The following ZNF891 variants were observed in gnomAD, a reference collection of about 807,000 sequenced individuals.
ZNF891 encodes hCG1646157.
For missense variants in ZNF891, 589 were observed against 632.7 expected (o/e 0.93, Z 0.74); for synonymous variants, 199 against 209.0 (o/e 0.95, Z 0.41).
rs1955532502 is a variant in ZNF891, at chr12:133,104,916, CAATAGTCAGGTTTTT to C, written c.*15353_*15367del. Among the ~76,000 whole-genome samples the C allele has an allele frequency of 6.6e-6, 1 of 152,036 alleles. No homozygotes were observed. The highest frequency in any genetic ancestry group is 6.5e-5 in the Admixed American group (1 of 15,268). On this transcript the variant is annotated 3_prime_UTR_variant, in exon 2 of 2. Coordinates refer to ENST00000537226, the MANE Select transcript of ZNF891 (RefSeq NM_001277291.2). ...TCACCCAGGTAATCAGCATAATGCCCAATAGTCAGGTTTTTAATCCTTACCCTCCTCCCACATTCC... is the reference window on the plus strand; with the variant it reads ...TCACCCAGGTAATCAGCATAATGCCCAATCCTTACCCTCCTCCCACATTCC...
rs2137611611 is a variant in ZNF891, at chr12:133,114,028, T to G, written c.*6256A>C. 1 of 152,260 alleles carries G rather than the reference T, an allele frequency of 6.6e-6. No individual in the cohort carries two copies. The highest frequency in any genetic ancestry group is 2.4e-5 in the African/African-American group (1 of 41,572). The allele number at this position is 152,260 out of a possible 1,614,324, so 9.4% of individuals were successfully genotyped here. On this transcript the variant is annotated 3_prime_UTR_variant, in exon 2 of 2. Coordinates refer to ENST00000537226, the MANE Select transcript of ZNF891 (RefSeq NM_001277291.2). ...CCACCACACCCACCCAGTAAGTTTG[T>G]ACTAATTTACGCTTCCATTGGTAGT...
Position 133,117,491 on chromosome 12 carries a change from T to G in ZNF891, c.*2793A>C, listed in dbSNP as rs1452487716. ...AAGTAATTTAAACCAACCCACCCAT[T>G]TTTCTACTCCTGAAAGAATGGTGGG... is the stretch of plus-strand genomic sequence containing the variant. On this transcript the variant is annotated 3_prime_UTR_variant, in exon 2 of 2. Coordinates refer to ENST00000537226, the MANE Select transcript of ZNF891 (RefSeq NM_001277291.2). 2 of 152,186 alleles carry G rather than the reference T, an allele frequency of 1.3e-5. No individual in the cohort carries two copies. Among genetic ancestry groups the G allele is most frequent in the Non-Finnish European group, 2.9e-5 (2 of 68,034 alleles). The allele number at this position is 152,186 out of a possible 1,614,324, so 9.4% of individuals were successfully genotyped here.
At position 133,120,883 on chromosome 12, in the gene ZNF891, TC is replaced by T; in HGVS notation, c.1035del (p.Lys346AsnfsTer18). 1 of 1,541,042 alleles carries T rather than the reference TC, an allele frequency of 6.5e-7. No homozygotes were observed. Among genetic ancestry groups the T allele is most frequent in the Non-Finnish European group, 8.7e-7 (1 of 1,147,240 alleles). On this transcript the variant is annotated frameshift_variant, in exon 2 of 2. Transcript: ENST00000537226. LOFTEE classifies it low-confidence loss of function (END_TRUNC). Reference sequence around the variant, plus strand: ...CCACATTCTTTACATTCATATTGTTTCTCACCCATGTGACTTTTCTTGTATA... The same window carrying T: ...CCACATTCTTTACATTCATATTGTTTTCACCCATGTGACTTTTCTTGTATA... The part of the protein sequence containing the change: ...LTLYKKSHMG[E>X]KQYECKECGK...
Position 133,116,547 on chromosome 12 carries a change from ATCT to A in ZNF891, c.*3734_*3736del, listed in dbSNP as rs1238903607. 6 of 152,132 alleles carry A rather than the reference ATCT, an allele frequency of 3.9e-5. No individual in the cohort carries two copies. Among genetic ancestry groups the A allele is most frequent in the African/African-American group, 1.4e-4 (6 of 41,414 alleles). 9.4% of individuals were successfully genotyped at this position (152,132 alleles called of 1,614,324 possible). On this transcript the variant is annotated 3_prime_UTR_variant, in exon 2 of 2. Coordinates refer to ENST00000537226, the MANE Select transcript of ZNF891 (RefSeq NM_001277291.2). ...ATCCCAGTAGACCTAAATACCCATC[ATCT>A]TCTTACAGACTGCTGGGATTTAACC...
chr12:133,120,590 C>T lies in ZNF891; in HGVS notation c.1329G>A (p.Thr443=), dbSNP rs1188470734. 18 of 1,559,842 alleles carry T rather than the reference C, an allele frequency of 1.2e-5. No homozygotes were observed. The highest frequency in any genetic ancestry group is 2.4e-5 in the East Asian group (1 of 41,684). The change falls in exon 2 of 2, where the codon ACG becomes ACA. Residue 443 remains threonine, a synonymous_variant. Coordinates refer to ENST00000537226, the MANE Select transcript of ZNF891 (RefSeq NM_001277291.2). ...ECSECGKAFN[T]SSHLKVHKKI... is the part of the protein sequence containing the mutation. ...TCTTATGAACTTTAAGGTGAGAGCTCGTGTTGAAGGCTTTTCCACACTCAC... is the reference window on the plus strand; with the variant it reads ...TCTTATGAACTTTAAGGTGAGAGCTTGTGTTGAAGGCTTTTCCACACTCAC...
Position 133,121,657 on chromosome 12 carries a change from T to A in ZNF891, c.262A>T (p.Arg88Trp), listed in dbSNP as rs1955762272. ...TCCAATGGGGAGATCACAGTAAGCC[T>A]GTACAACTGATATTCCACGGAGGTG... ...NLTSVEYQLY[R>W]LTVISPLDQE... The change falls in exon 2 of 2, where the codon AGG becomes TGG. Residue 88 changes from arginine (R) to tryptophan (W), a missense_variant. Coordinates refer to ENST00000537226, the MANE Select transcript of ZNF891 (RefSeq NM_001277291.2). The A allele has an allele frequency of 1.3e-6, 2 of 1,536,472 alleles. No individual in the cohort carries two copies. Among genetic ancestry groups the A allele is most frequent in the Non-Finnish European group, 1.7e-6 (2 of 1,146,930 alleles).
chr12:133,105,260 T>A lies in ZNF891; in HGVS notation c.*15024A>T, dbSNP rs1346240601. ...CAACCTATCCTTCACAAATATTTCC[T>A]GATAGCTCTATTTTCCCTGCTCTTT... is the stretch of plus-strand genomic sequence containing the variant. On this transcript the variant is annotated 3_prime_UTR_variant, in exon 2 of 2. Transcript: ENST00000537226. 6.6e-6 allele frequency among the ~76,000 whole-genome samples: 1 copy of A among 152,216 alleles called. No homozygotes were observed. Among genetic ancestry groups the A allele is most frequent in the East Asian group, 1.9e-4 (1 of 5,192 alleles).
At chr12:133,127,564 G>A (rs1434050457) in intron 1 of ZNF891, among the ~76,000 whole-genome samples, 2 of 152,214 alleles carry the variant, frequency 1.3e-5, no homozygotes, top group African/African-American at 4.8e-5. Context: ...TGAGGAAAAA[G>A]TAATTTCTAA....
rs1415323319 is a variant in ZNF891, at chr12:133,118,257, T to G, written c.*2027A>C. On this transcript the variant is annotated 3_prime_UTR_variant, in exon 2 of 2. Coordinates refer to ENST00000537226, the MANE Select transcript of ZNF891 (RefSeq NM_001277291.2). ...ACCTGGCCAACTTCACCTTCCTTTT[T>G]GAAACTTGTTTGTCTTGGTTCAGTG... The G allele has an allele frequency of 6.6e-6, 1 of 152,380 alleles. No individual in the cohort carries two copies. Among genetic ancestry groups the G allele is most frequent in the Non-Finnish European group, 1.5e-5 (1 of 68,208 alleles). 9.4% of individuals were successfully genotyped at this position (152,380 alleles called of 1,614,324 possible).
At position 133,105,706 on chromosome 12, in the gene ZNF891, T is replaced by C; in HGVS notation, c.*14578A>G. 6.2e-7 allele frequency: 1 copy of C among 1,614,186 alleles called. No homozygotes were observed. Among genetic ancestry groups the C allele is most frequent in the East Asian group, 2.2e-5 (1 of 44,874 alleles). On this transcript the variant is annotated 3_prime_UTR_variant, in exon 2 of 2. Coordinates refer to ENST00000537226, the MANE Select transcript of ZNF891 (RefSeq NM_001277291.2). ...GATGTATTAGGAAAGTAACAGTCTCTCATCAAGAAGCCCTGGCTCAACATA... is the reference window on the plus strand; with the variant it reads ...GATGTATTAGGAAAGTAACAGTCTCCCATCAAGAAGCCCTGGCTCAACATA...
Position 133,111,045 on chromosome 12 carries a change from G to A in ZNF891, c.*9239C>T, listed in dbSNP as rs1955679440. ...CTCTGAAGAGATCCAAGAAATTTCAGAGCAAAGAGAGGTAGCAAAACCTGC... is the reference window on the plus strand; with the variant it reads ...CTCTGAAGAGATCCAAGAAATTTCAAAGCAAAGAGAGGTAGCAAAACCTGC... On this transcript the variant is annotated 3_prime_UTR_variant, in exon 2 of 2. Coordinates refer to ENST00000537226, the MANE Select transcript of ZNF891 (RefSeq NM_001277291.2). The A allele has an allele frequency of 6.6e-6, 1 of 152,170 alleles. No individual in the cohort carries two copies. Among genetic ancestry groups the A allele is most frequent in the Non-Finnish European group, 1.5e-5 (1 of 68,034 alleles). 9.4% of individuals were successfully genotyped at this position (152,170 alleles called of 1,614,324 possible). A position where few individuals can be genotyped will look rare whatever the true frequency, so the allele number is the denominator to read the frequency against.
rs921482105 is a variant in ZNF891 at position 133,108,098 on chromosome 12, T to C, written c.*12186A>G. On this transcript the variant is annotated 3_prime_UTR_variant, in exon 2 of 2. Coordinates refer to ENST00000537226, the MANE Select transcript of ZNF891 (RefSeq NM_001277291.2). ...CATTTAGAAGCTTCTCAAGTTTCCA[T>C]AAGAGTTGTTTCAGAGAGGCTGATT... 4 of 152,154 alleles carry C rather than the reference T, an allele frequency of 2.6e-5. No individual in the cohort carries two copies. The highest frequency in any genetic ancestry group is 2.6e-4 in the Admixed American group (4 of 15,280). 9.4% of individuals were successfully genotyped at this position (152,154 alleles called of 1,614,324 possible). A position where few individuals can be genotyped will look rare whatever the true frequency, so the allele number is the denominator to read the frequency against.
At position 133,106,558 on chromosome 12, in the gene ZNF891, C is replaced by G; in HGVS notation, c.*13726G>C. On this transcript the variant is annotated 3_prime_UTR_variant, in exon 2 of 2. Coordinates refer to ENST00000537226, the MANE Select transcript of ZNF891 (RefSeq NM_001277291.2). Reference sequence around the variant, plus strand: ...ACAAATCCTTCAGCTGGAGCTCAAACCTTGCTAAACATCAGAGGACACACA... The same window carrying G: ...ACAAATCCTTCAGCTGGAGCTCAAAGCTTGCTAAACATCAGAGGACACACA... 6.2e-7 allele frequency: 1 copy of G among 1,613,864 alleles called. No individual in the cohort carries two copies. Among genetic ancestry groups the G allele is most frequent in the Non-Finnish European group, 8.5e-7 (1 of 1,179,982 alleles).
Position 133,106,346 on chromosome 12 carries a change from T to C in ZNF891, c.*13938A>G. On this transcript the variant is annotated 3_prime_UTR_variant, in exon 2 of 2. Transcript: ENST00000537226. ...GAGAATTCATGCTGGAGAAAAGCTC[T>C]ATGAATGTGATGAATGTGGTAAAGT... 6.2e-7 allele frequency: 1 copy of C among 1,614,194 alleles called. No homozygotes were observed. The highest frequency in any genetic ancestry group is 8.5e-7 in the Non-Finnish European group (1 of 1,180,034).
Position 133,120,122 on chromosome 12 carries a change from C to A in ZNF891, c.*162G>T. 2 of 532,536 alleles carry A rather than the reference C, an allele frequency of 3.8e-6. No individual in the cohort carries two copies. The highest frequency in any genetic ancestry group is 3.6e-5 in the South Asian group (1 of 27,772). 33.0% of individuals were successfully genotyped at this position (532,536 alleles called of 1,614,324 possible). Reference sequence around the variant, plus strand: ...ATTAAAAATACCTAATTCTAAACAGCCATGGATCAAAAAAAGTCATAATTA... The same window carrying A: ...ATTAAAAATACCTAATTCTAAACAGACATGGATCAAAAAAAGTCATAATTA... On this transcript the variant is annotated 3_prime_UTR_variant, in exon 2 of 2. Coordinates refer to ENST00000537226, the MANE Select transcript of ZNF891 (RefSeq NM_001277291.2).
intron 1 of ZNF891, among the ~76,000 whole-genome samples, chr12:133,128,221 G>C (rs1284170557): frequency 6.6e-6 from 1 of 152,148 alleles, no homozygotes; most frequent in Non-Finnish European, 1.5e-5. Flanking sequence ...GAAGAGATGG[G>C]GTTAAGGTGT....
rs1401388488 is a variant in ZNF891, at chr12:133,105,808, G to T, written c.*14476C>A. 1.9e-6 allele frequency: 3 copies of T among 1,614,050 alleles called. No individual in the cohort carries two copies. In the African/African-American group the frequency reaches 4.0e-5, roughly 22 times the overall value. On this transcript the variant is annotated 3_prime_UTR_variant, in exon 2 of 2. Coordinates refer to ENST00000537226, the MANE Select transcript of ZNF891 (RefSeq NM_001277291.2). Reference sequence around the variant, plus strand: ...CTTTTGGTCGACGCTTTTCCCTGGTGTTACACCAGAGGACTCATACTGGAG... The same window carrying T: ...CTTTTGGTCGACGCTTTTCCCTGGTTTTACACCAGAGGACTCATACTGGAG...
At chr12:133,122,121 A>G in intron 1 of ZNF891, 97 bp from the exon 2 acceptor site, 1 of 1,344,678 alleles carries the variant, frequency 7.4e-7, no homozygotes, top group African/African-American at 1.5e-5. Context: ...CCTCCCCATT[A>G]CCTCTCAGCA....
chr12:133,106,973 A>C lies in ZNF891; in HGVS notation c.*13311T>G, dbSNP rs1955623298. ...GTGTGTAAATTCCTACCAGGAAAGA[A>C]TACATATCCAATAGATTGGAGAAAG... On this transcript the variant is annotated 3_prime_UTR_variant, in exon 2 of 2. Coordinates refer to ENST00000537226, the MANE Select transcript of ZNF891 (RefSeq NM_001277291.2). 1 of 193,000 alleles carries C rather than the reference A, an allele frequency of 5.2e-6. No homozygotes were observed. Among genetic ancestry groups the C allele is most frequent in the South Asian group, 1.2e-4 (1 of 8,616 alleles). The allele number at this position is 193,000 out of a possible 1,614,324, so 12.0% of individuals were successfully genotyped here.
Sources: gnomAD v4.1 joint callset for allele counts (sites outside exome capture counted in the v4.1 genomes callset) on GRCh38, gnomAD v4.1.1 for gene constraint, MANE v1.5 for transcripts, NCBI Gene and HGNC (gene_info 2026-07-23, HGNC 2026-07-21) for gene names.